ARMC9: variants seen among roughly 807,000 people sequenced by gnomAD.
ARMC9 encodes the protein lisH domain-containing protein ARMC9.
A neutral mutation model predicts 107.0 loss-of-function variants in ARMC9; 94 were observed. That is an observed-to-expected ratio of 0.88 (90% CI 0.74 to 1.04). The LOEUF is 1.04. Among genes scored for constraint, ARMC9 ranks in the 50% least tolerant of loss-of-function variants. The pLI is 0.00. For missense variants in ARMC9, 942 were observed against 1,030.1 expected, an observed-to-expected ratio of 0.91 and a Z score of 1.17; for synonymous variants, 380 against 396.9, an observed-to-expected ratio of 0.96 and a Z score of 0.51.
chr2:231,274,008 A>T (rs764875933), intron 14 of ARMC9, among the ~76,000 whole-genome samples: 8 of 152,170 alleles, frequency 5.3e-5, no homozygotes, highest in Non-Finnish European at 1.0e-4. Context: ...CTCTTTTGTG[A>T]CTGGCTTCTC....
rs866463491 is a variant in ARMC9 at position 231,303,958 on chromosome 2, G to A, written c.1773+7705G>A. Among the ~76,000 whole-genome samples the A allele has an allele frequency of 1.1e-4, 17 of 151,700 alleles. 1 individual carries two copies. The highest frequency in any genetic ancestry group is 3.4e-3 in the Middle Eastern group (1 of 292). ...CTCAAAAAAATAATTATGGCCAGGC[G>A]TGGTGGCTCACGCCTGTAATCTCAG... On this transcript the variant is annotated intron_variant, in intron 19 of 24. Transcript: ENST00000611582.
chr2:231,351,123 A>AT (rs1397518352), intron 21 of ARMC9, among the ~76,000 whole-genome samples: 2 of 144,728 alleles, frequency 1.4e-5, no homozygotes, highest in African/African-American at 2.6e-5. Context: ...ACGCCCGGCT[A>AT]TTTTTTTGTA....
At chr2:231,279,542 A>C (rs1332804512) in intron 16 of ARMC9, among the ~76,000 whole-genome samples, 2 of 121,580 alleles carry the variant, frequency 1.6e-5, no homozygotes, top group Admixed American at 1.0e-4. Context: ...ACAGAGTCTC[A>C]CTCTATCATC....
At chr2:231,285,741 A>G (rs1337358613) in intron 17 of ARMC9, among the ~76,000 whole-genome samples, 1 of 152,166 alleles carries the variant, frequency 6.6e-6, no homozygotes, top group Non-Finnish European at 1.5e-5. Flanking sequence ...TAGCCTGAGA[A>G]CGCATCAGCT....
chr2:231,355,732 C>G, intron 21 of ARMC9, 66 bp from the exon 22 acceptor site: 1 of 1,308,814 alleles, frequency 7.6e-7, no homozygotes, highest in South Asian at 1.4e-5. Context: ...ATGCTGCAGT[C>G]GGCAGTCGGC....
intron 2 of ARMC9, 119 bp from the exon 3 acceptor site, chr2:231,208,008 G>T: frequency 1.8e-6 from 1 of 564,686 alleles, no homozygotes; most frequent in Non-Finnish European, 3.2e-6. Context: ...ACCTTTTCAT[G>T]TATCTGTTGG....
At chr2:231,268,652 G>A (rs1287893722) in intron 12 of ARMC9, among the ~76,000 whole-genome samples, 1 of 152,150 alleles carries the variant, frequency 6.6e-6, no homozygotes, top group Admixed American at 6.5e-5. Flanking sequence ...TTGAGATCAT[G>A]TATGGTCAAG....
chr2:231,318,800 ACTCCTGTTCCAGGAACAGGAGT>A (rs1276310356), intron 19 of ARMC9, among the ~76,000 whole-genome samples: 1 of 152,222 alleles, frequency 6.6e-6, no homozygotes, highest in East Asian at 1.9e-4. Context: ...TGCCTGACCT[ACTCCTGTTCCAGGAACAGGAGT>A]ATATGCCTAG....
At chr2:231,218,010 C>T (rs2033714777) in intron 5 of ARMC9, among the ~76,000 whole-genome samples, 2 of 152,058 alleles carry the variant, frequency 1.3e-5, no homozygotes, top group Admixed American at 1.3e-4. Context: ...TTTTTGGAGA[C>T]AGAGTCTCAT....
At position 231,285,886 on chromosome 2, in the gene ARMC9, CATTATATTCTCTTTGCATGT is replaced by C. The variant is rs150458441; in HGVS notation, c.1626+3755_1626+3774del. ...GAGGAAGTTTTTAGATTGATAAAGC[CATTATATTCTCTTTGCATGT>C]AGGTCTCACATGGGTGCATTTGCTT... On this transcript the variant is annotated intron_variant, in intron 17 of 24. Coordinates refer to ENST00000611582, the MANE Select transcript of ARMC9 (RefSeq NM_001352754.2). Among the ~76,000 whole-genome samples, 1,495 of 152,218 alleles carry C rather than the reference CATTATATTCTCTTTGCATGT, an allele frequency of 9.8e-3. 25 individuals carry two copies. The highest frequency in any genetic ancestry group is 0.035 in the African/African-American group (1,433 of 41,488).
At position 231,265,782 on chromosome 2, in the gene ARMC9, C is replaced by T. The variant is rs185625637; in HGVS notation, c.1119+3384C>T. ...AGCACTTTGGGAGGCCTGAGGTGGG[C>T]AGATCACTTGAGGTCAGGTGTTTGA... On this transcript the variant is annotated intron_variant, in intron 12 of 24. Coordinates refer to ENST00000611582, the MANE Select transcript of ARMC9 (RefSeq NM_001352754.2). 2.3e-4 allele frequency among the ~76,000 whole-genome samples: 35 copies of T among 151,270 alleles called. No homozygotes were observed. In the East Asian group the frequency reaches 6.8e-3, roughly 29 times the overall value.
chr2:231,237,532 G>C (rs2035831205), intron 8 of ARMC9, among the ~76,000 whole-genome samples: 1 of 151,646 alleles, frequency 6.6e-6, no homozygotes. Context: ...CATTTTGATA[G>C]AGGTTGCTAA....
In ARMC9 at chr2:231,271,009, A is replaced by C. The variant is rs759460617; in HGVS notation, c.1147A>C (p.Thr383Pro). Residue 383 changes from threonine (T) to proline (P), a missense_variant, in exon 13 of 25, where the codon ACG becomes CCG. Physicochemically the swap from Thr to Pro is conservative, Grantham distance 38 (BLOSUM62 -1). Coordinates refer to ENST00000611582, the MANE Select transcript of ARMC9 (RefSeq NM_001352754.2). ...QRSVLQLLHSTSDVVRQYMAR... is the reference protein window; with the variant it reads ...QRSVLQLLHSPSDVVRQYMAR... ...GAGTGTGCTTCAGTTGCTGCACTCC[A>C]CGAGCGACGTGGTGCGGCAGTACAT... 6.2e-7 allele frequency: 1 copy of C among 1,614,208 alleles called. No homozygotes were observed. The highest frequency in any genetic ancestry group is 8.5e-7 in the Non-Finnish European group (1 of 1,180,038).
At position 231,216,661 on chromosome 2, in the gene ARMC9, G is replaced by A. The variant is rs754635828; in HGVS notation, c.372G>A (p.Lys124=). 1.2e-6 allele frequency: 2 copies of A among 1,613,746 alleles called. No individual in the cohort carries two copies. The highest frequency in any genetic ancestry group is 2.2e-5 in the South Asian group (2 of 91,024). ...GRPDKEELDE[K]ISYFKTYLET... is the part of the protein sequence containing the mutation. ...AGGACAAAGAGGAGCTGGATGAAAA[G>A]ATTTCCTACTTCAAAACCTACCTGG... The change falls in exon 5 of 25, where the codon AAG becomes AAA. Residue 124 remains lysine (K), a synonymous_variant. Transcript: ENST00000611582.
chr2:231,219,926 G>C (rs990174493), intron 5 of ARMC9, among the ~76,000 whole-genome samples: 3 of 152,034 alleles, frequency 2.0e-5, no homozygotes, highest in African/African-American at 7.2e-5. Flanking sequence ...GACCTCCTGG[G>C]CTCAAGTGAT....
At position 231,239,958 on chromosome 2, in the gene ARMC9, C is replaced by T; in HGVS notation, c.796C>T (p.Leu266Phe). ...VSGKMITPEY[L>F]QSVCVRLFSN... is the part of the protein sequence containing the mutation. ...CTCCTTGCAGATCACCCCTGAGTAC[C>T]TCCAGAGCGTCTGTGTCCGCCTGTT... The change falls in exon 9 of 25, where the codon CTC becomes TTC. Residue 266 changes from leucine (L) to phenylalanine (F), a missense_variant. Physicochemically the swap from Leu to Phe is conservative, Grantham distance 22. Coordinates refer to ENST00000611582, the MANE Select transcript of ARMC9 (RefSeq NM_001352754.2). 1.9e-6 allele frequency: 3 copies of T among 1,614,060 alleles called. No individual in the cohort carries two copies. The highest frequency in any genetic ancestry group is 2.5e-6 in the Non-Finnish European group (3 of 1,179,972).
Position 231,276,601 on chromosome 2 carries a change from G to A in ARMC9, c.1335-35G>A, listed in dbSNP as rs2039776727. ...TTCCTCTTATATGAAAAGTTTCTTG[G>A]CAGTTTGTATTTACCGTAGGCTCTT... On this transcript the variant is annotated intron_variant, in intron 14 of 24. Coordinates refer to ENST00000611582, the MANE Select transcript of ARMC9 (RefSeq NM_001352754.2). 7 of 1,613,140 alleles carry A rather than the reference G, an allele frequency of 4.3e-6. No individual in the cohort carries two copies. In the East Asian group the frequency reaches 1.6e-4, roughly 36 times the overall value.
chr2:231,216,717 CAG>C lies in ARMC9; in HGVS notation c.431_432del (p.Glu144ValfsTer20). ...AAAGGGGCAGCCTTGAGCCAGACCA[CAG>C]AGTTTCTTCCTTTCTATGCCCTTCC... On this transcript the variant is annotated frameshift_variant, in exon 5 of 25. Coordinates refer to ENST00000611582, the MANE Select transcript of ARMC9 (RefSeq NM_001352754.2). LOFTEE classifies it high-confidence loss of function. 1 of 1,613,988 alleles carries C rather than the reference CAG, an allele frequency of 6.2e-7. No homozygotes were observed. Among genetic ancestry groups the C allele is most frequent in the Non-Finnish European group, 8.5e-7 (1 of 1,179,866 alleles).
chr2:231,271,732 G>A (rs965981610), intron 13 of ARMC9, among the ~76,000 whole-genome samples: 3 of 152,184 alleles, frequency 2.0e-5, no homozygotes, highest in African/African-American at 7.2e-5. Context: ...ATGTGTTACT[G>A]AGGACCATTC....
Sources: allele counts gnomAD v4.1 joint callset (sites outside exome capture counted in the v4.1 genomes callset), GRCh38; gene constraint gnomAD v4.1.1; transcripts MANE v1.5; gene names NCBI Gene and HGNC (gene_info 2026-07-23, HGNC 2026-07-21).